The following ZNF738 variants were observed in gnomAD, a reference collection of about 807,000 sequenced individuals.
ZNF738 encodes the protein zinc finger protein 738, also known as protein ZNF738.
A neutral mutation model predicts 9.2 loss-of-function variants in ZNF738; 10 were observed. The ratio of observed to expected loss-of-function variants is 1.09; its 90% CI spans 0.67 to 1.85. ZNF738 has a LOEUF of 1.85. ZNF738 is among the 40% of genes most tolerant of loss of function. The pLI is 0.00. For synonymous variants in ZNF738, 113 were observed against 94.5 expected, an observed-to-expected ratio of 1.20 and a Z score of -1.14; for missense variants, 346 against 283.6, an observed-to-expected ratio of 1.22 and a Z score of -1.58.
chr19:21,379,268 T>C (rs2145239594), intron 4 of ZNF738: 1 of 152,302 alleles, frequency 6.6e-6, no homozygotes, highest in South Asian at 2.1e-4. Flanking sequence ...CCCTGTTTTG[T>C]ATATATTCTA....
At chr19:21,371,024 T>C (rs1973848931) in intron 2 of ZNF738, among the ~76,000 whole-genome samples, 1 of 152,198 alleles carries the variant, frequency 6.6e-6, no homozygotes, top group African/African-American at 2.4e-5. Context: ...GAGAGGCTCC[T>C]GGTGTAAATA....
intron 4 of ZNF738, chr19:21,377,368 CTTGTT>C (rs1211469646): frequency 5.8e-6 from 4 of 685,392 alleles, no homozygotes; most frequent in South Asian, 4.7e-5. Flanking sequence ...AATATTCTGT[CTTGTT>C]TTATTTTTAT....
chr19:21,359,396 C>G (rs1415667836), intron 1 of ZNF738, among the ~76,000 whole-genome samples: 2 of 152,216 alleles, frequency 1.3e-5, no homozygotes, highest in Non-Finnish European at 1.5e-5. Flanking sequence ...TGGGGAATCT[C>G]TGCACCCGCA....
chr19:21,363,970 G>A (rs1973738388), intron 2 of ZNF738, among the ~76,000 whole-genome samples: 1 of 151,544 alleles, frequency 6.6e-6, no homozygotes, highest in South Asian at 2.1e-4. Context: ...GCTGAGGCGG[G>A]CATACCACCT....
chr19:21,386,598 T>G lies in ZNF738; in HGVS notation c.*2924T>G, dbSNP rs1974070499. On this transcript the variant is annotated 3_prime_UTR_variant, in exon 5 of 5. Transcript: ENST00000683779. ...AGAGAAACACTACAAATGTGAGGAA[T>G]GTGACAAAGCCTTTAACCAGTCCTC... 1 of 308,822 alleles carries G rather than the reference T, an allele frequency of 3.2e-6. No homozygotes were observed. The highest frequency in any genetic ancestry group is 3.6e-5 in the South Asian group (1 of 27,680). 19.1% of individuals were successfully genotyped at this position (308,822 alleles called of 1,614,324 possible).
At chr19:21,382,149 T>A (rs1296847407) in intron 4 of ZNF738, among the ~76,000 whole-genome samples, 2 of 142,800 alleles carry the variant, frequency 1.4e-5, no homozygotes, top group African/African-American at 2.6e-5. Flanking sequence ...CACTGCTACC[T>A]CTGCCTCCTG....
In ZNF738 at chr19:21,386,518, G is replaced by T; in HGVS notation, c.*2844G>T. 2.7e-6 allele frequency: 1 copy of T among 377,226 alleles called. No individual in the cohort carries two copies. The highest frequency in any genetic ancestry group is 2.5e-5 in the South Asian group (1 of 40,360). The allele number at this position is 377,226 out of a possible 1,614,324, so 23.4% of individuals were successfully genotyped here. On this transcript the variant is annotated 3_prime_UTR_variant, in exon 5 of 5. Transcript: ENST00000683779. ...GAAACCTCACAACTGTGAAGAATGTGGCAAAGCTTTTAACCAGTCCTACAA... is the reference window on the plus strand; with the variant it reads ...GAAACCTCACAACTGTGAAGAATGTTGCAAAGCTTTTAACCAGTCCTACAA...
Position 21,359,127 on chromosome 19 carries a change from C to A in ZNF738, c.-14C>A. On this transcript the variant is annotated 5_prime_UTR_variant, in exon 1 of 5. The change creates a new upstream start codon in the 5' untranslated region. Transcript: ENST00000683779. Reference sequence around the variant, plus strand: ...TCCACAGCTAAGACGCCGGGACACCCTGGAAGCCTAGAAATGGTGAGAGTG... The same window carrying A: ...TCCACAGCTAAGACGCCGGGACACCATGGAAGCCTAGAAATGGTGAGAGTG... 1 of 1,026,450 alleles carries A rather than the reference C, an allele frequency of 9.7e-7. No individual in the cohort carries two copies. Among genetic ancestry groups the A allele is most frequent in the Non-Finnish European group, 1.5e-6 (1 of 645,778 alleles). The allele number at this position is 1,026,450 out of a possible 1,614,324, so 63.6% of individuals were successfully genotyped here.
chr19:21,384,753 A>G lies in ZNF738; in HGVS notation c.*1079A>G, dbSNP rs747033743. Reference sequence around the variant, plus strand: ...AGTTCATACTGGAGAGAAACCCTACAAATGTGAAGAATGTGGCAAAGCTTA... The same window carrying G: ...AGTTCATACTGGAGAGAAACCCTACGAATGTGAAGAATGTGGCAAAGCTTA... On this transcript the variant is annotated 3_prime_UTR_variant, in exon 5 of 5. Coordinates refer to ENST00000683779, the MANE Select transcript of ZNF738 (RefSeq NM_001355237.2). Among the ~76,000 whole-genome samples, 11 of 151,206 alleles carry G rather than the reference A, an allele frequency of 7.3e-5. 1 individual carries two copies. Among genetic ancestry groups the G allele is most frequent in the Admixed American group, 5.3e-4 (8 of 15,146 alleles).
In ZNF738 at chr19:21,384,116, A is replaced by G. The variant is rs1232192557; in HGVS notation, c.*442A>G. The G allele has an allele frequency of 2.0e-6, 3 of 1,499,416 alleles. No homozygotes were observed. The highest frequency in any genetic ancestry group is 1.7e-5 in the Admixed American group (1 of 58,748). The allele number at this position is 1,499,416 out of a possible 1,614,324, so 92.9% of individuals were successfully genotyped here. A position where few individuals can be genotyped will look rare whatever the true frequency, so the allele number is the denominator to read the frequency against. The stretch of plus-strand genomic sequence containing the variant: ...AATGTGGCAAAGCTTTCTACCGATT[A>G]TCTTATCTTACTACACATAAGATGA... On this transcript the variant is annotated 3_prime_UTR_variant, in exon 5 of 5. Coordinates refer to ENST00000683779, the MANE Select transcript of ZNF738 (RefSeq NM_001355237.2).
chr19:21,378,819 G>A (rs896054716), intron 4 of ZNF738: 11 of 174,740 alleles, frequency 6.3e-5, no homozygotes, highest in Admixed American at 1.3e-4. Context: ...GGCTAGTCTC[G>A]ATCTCCTGAC....
chr19:21,379,254 A>G (rs1408384870), intron 4 of ZNF738: 2 of 151,628 alleles, frequency 1.3e-5, no homozygotes, highest in Non-Finnish European at 2.9e-5. Flanking sequence ...TTGGTACTAC[A>G]TTGCCCTGTT....
At chr19:21,375,832 T>A (rs760207191) in intron 3 of ZNF738, 37 bp from the exon 4 acceptor site, 13 of 764,944 alleles carry the variant, frequency 1.7e-5, no homozygotes, top group Non-Finnish European at 3.2e-5. Context: ...TTAGAGAATA[T>A]GAGCAAGATT....
rs139241569 is a variant in ZNF738, at chr19:21,381,231, A to G, written c.320-1635A>G. The G allele has an allele frequency of 7.0e-5, 109 of 1,557,234 alleles. No homozygotes were observed. In the African/African-American group the frequency reaches 1.4e-3, roughly 21 times the overall value. ...AGAGTCCTGAGATTTCAAATATTAA[A>G]GCTTTCTCTACAGCCACACGTCCCT... On this transcript the variant is annotated intron_variant, in intron 4 of 4. Coordinates refer to ENST00000683779, the MANE Select transcript of ZNF738 (RefSeq NM_001355237.2).
chr19:21,370,594 C>T (rs1973843350), intron 2 of ZNF738, among the ~76,000 whole-genome samples: 1 of 152,084 alleles, frequency 6.6e-6, no homozygotes, highest in African/African-American at 2.4e-5. Context: ...GATTCAATTT[C>T]TTATTTGTTC....
In ZNF738 at chr19:21,383,278, C is replaced by T. The variant is rs905786800; in HGVS notation, c.732C>T (p.Phe244=). 35 of 1,568,432 alleles carry T rather than the reference C, an allele frequency of 2.2e-5. No individual in the cohort carries two copies. The South Asian group carries it at 2.4e-4, about 11-fold the overall frequency. ...CEECGKAFKW[F]STLTRHKRIH... ...AATGTGGCAAAGCCTTTAAATGGTT[C>T]TCAACCCTTACTAGACACAAGAGAA... Residue 244 remains phenylalanine, a synonymous_variant, in exon 5 of 5, where the codon TTC becomes TTT. Coordinates refer to ENST00000683779, the MANE Select transcript of ZNF738 (RefSeq NM_001355237.2).
intron 4 of ZNF738, chr19:21,378,606 CTTTTTTTT>C (rs11352402): frequency 1.9e-5 from 5 of 263,624 alleles, no homozygotes; most frequent in South Asian, 6.2e-5. Context: ...AATAATATCA[CTTTTTTTT>C]TTTTTTTTTT....
intron 2 of ZNF738, among the ~76,000 whole-genome samples, chr19:21,371,268 G>A (rs921787026): frequency 1.3e-5 from 2 of 152,206 alleles, no homozygotes; most frequent in Non-Finnish European, 2.9e-5. Flanking sequence ...TCTCCAGCCT[G>A]GCTTATCACT....
intron 1 of ZNF738, among the ~76,000 whole-genome samples, chr19:21,361,420 G>A (rs1387960434): frequency 6.6e-5 from 10 of 152,210 alleles, no homozygotes; most frequent in Non-Finnish European, 1.2e-4. Context: ...GATTACAGGC[G>A]TGAGCCACCA....
Sources: allele counts gnomAD v4.1 joint callset (sites outside exome capture counted in the v4.1 genomes callset), GRCh38; gene constraint gnomAD v4.1.1; transcripts MANE v1.5; gene names NCBI Gene and HGNC (gene_info 2026-07-23, HGNC 2026-07-21).